SLC14A2: variants seen among roughly 807,000 people sequenced by gnomAD.
SLC14A2 encodes the protein urea transporter 2.
SLC14A2 carries 91 observed loss-of-function variants against 104.6 expected under a neutral mutation model. That is an observed-to-expected ratio of 0.87 (90% confidence interval 0.73 to 1.04). SLC14A2 has a LOEUF of 1.04. SLC14A2 is among the 50% of genes least tolerant of loss of function. The pLI, the probability that SLC14A2 is intolerant of heterozygous loss-of-function variation, is 0.00. For missense variants in SLC14A2, 1,189 were observed against 1,156.0 expected, an observed-to-expected ratio of 1.03 and a Z score of -0.41; for synonymous variants, 476 against 466.4, an observed-to-expected ratio of 1.02 and a Z score of -0.27.
intron 2 of SLC14A2, among the ~76,000 whole-genome samples, chr18:45,486,907 C>A (rs967966469): frequency 6.6e-6 from 1 of 152,154 alleles, no homozygotes; most frequent in African/African-American, 2.4e-5. Context: ...TGTCGTTTTA[C>A]AGGTGAGAAA....
chr18:45,532,489 T>G (rs1222401349), intron 2 of SLC14A2, among the ~76,000 whole-genome samples: 2 of 129,538 alleles, frequency 1.5e-5, no homozygotes, highest in Middle Eastern at 4.0e-3. Flanking sequence ...CACTCATGAT[T>G]TGGCTGTTTG....
At chr18:45,514,803 A>G (rs956452261) in intron 2 of SLC14A2, among the ~76,000 whole-genome samples, 1 of 152,244 alleles carries the variant, frequency 6.6e-6, no homozygotes, top group Non-Finnish European at 1.5e-5. Context: ...AGTAACTACC[A>G]CAAACTCACT....
chr18:45,459,416 C>CCTT (rs1317024398), intron 1 of SLC14A2, among the ~76,000 whole-genome samples: 1 of 152,168 alleles, frequency 6.6e-6, no homozygotes, highest in East Asian at 1.9e-4. Context: ...GAGACTTTAC[C>CCTT]CTTCAGAGAG....
chr18:45,614,961 T>TA (rs1384178402), upstream of SLC14A2: 7 of 152,334 alleles, frequency 4.6e-5, no homozygotes, highest in East Asian at 1.4e-3. Context: ...CACACCCTGC[T>TA]AATTTTTGTA....
intron 1 of SLC14A2, among the ~76,000 whole-genome samples, chr18:45,345,853 G>A (rs1024971785): frequency 1.7e-4 from 26 of 152,164 alleles, no homozygotes; most frequent in Non-Finnish European, 7.3e-5. Context: ...CATGAATATA[G>A]AAAATGTGCA....
chr18:45,171,988 T>C, the SLC14A2 span, among the ~76,000 whole-genome samples: 1 of 152,168 alleles, frequency 6.6e-6, no homozygotes, highest in Non-Finnish European at 1.5e-5. Flanking sequence ...GTTCTGGTAG[T>C]TGTTATTTTC....
intron 1 of SLC14A2, among the ~76,000 whole-genome samples, chr18:45,307,242 C>T (rs2085031812): frequency 6.6e-6 from 1 of 151,904 alleles, no homozygotes; most frequent in Non-Finnish European, 1.5e-5. Flanking sequence ...CATGGTAAAA[C>T]CTCGTCTCTA....
chr18:45,487,434 A>C (rs2087628651), intron 2 of SLC14A2, among the ~76,000 whole-genome samples: 1 of 152,222 alleles, frequency 6.6e-6, no homozygotes, highest in Non-Finnish European at 1.5e-5. Context: ...ATATAAGGCA[A>C]CACATTCGCA....
chr18:45,209,016 T>C (rs1178081603), upstream of SLC14A2, among the ~76,000 whole-genome samples: 1 of 126,894 alleles, frequency 7.9e-6, no homozygotes, highest in Non-Finnish European at 1.6e-5. Context: ...CTCTGGAAAT[T>C]AACAGGCATT....
chr18:45,644,651 A>G (rs1195656372), intron 10 of SLC14A2, among the ~76,000 whole-genome samples: 1 of 152,128 alleles, frequency 6.6e-6, no homozygotes, highest in Non-Finnish European at 1.5e-5. Flanking sequence ...GGAATTTCAC[A>G]CTGATGGGAT....
At chr18:45,425,029 A>C (rs897200687) in intron 1 of SLC14A2, among the ~76,000 whole-genome samples, 1 of 152,208 alleles carries the variant, frequency 6.6e-6, no homozygotes, top group Non-Finnish European at 1.5e-5. Flanking sequence ...ATGTTTCACC[A>C]AGCACATCCC....
rs377411593 is a variant in SLC14A2 at position 45,278,870 on chromosome 18, G to A, written c.-125+65679G>A. Among the ~76,000 whole-genome samples, 7 of 152,142 alleles carry A rather than the reference G, an allele frequency of 4.6e-5. No individual in the cohort carries two copies. In the East Asian group the frequency reaches 5.8e-4, roughly 13 times the overall value. ...GGTTTGGTTTACTTTTCTAAACAGC[G>A]TGGTTGCTAACTGGTGCTTACCACT... On this transcript the variant is annotated intron_variant, in intron 1 of 20. Coordinates refer to the SLC14A2 transcript ENST00000586448.
chr18:45,641,439 C>A, intron 8 of SLC14A2, 96 bp downstream of exon 8: 1 of 1,402,570 alleles, frequency 7.1e-7, no homozygotes, highest in Non-Finnish European at 9.9e-7. Context: ...CAATACTGTT[C>A]AGCAGTGACA....
chr18:45,184,348 A>G, the SLC14A2 span, among the ~76,000 whole-genome samples: 1 of 152,222 alleles, frequency 6.6e-6, no homozygotes, highest in Non-Finnish European at 1.5e-5. Flanking sequence ...TTGGTGGCAA[A>G]TGCAGTCAAA....
At chr18:45,259,784 C>G (rs2084516914) in intron 1 of SLC14A2, among the ~76,000 whole-genome samples, 1 of 152,060 alleles carries the variant, frequency 6.6e-6, no homozygotes, top group African/African-American at 2.4e-5. Flanking sequence ...CACTGAAGCC[C>G]AAGTTTACTC....
chr18:45,485,671 T>C (rs1367776169), intron 2 of SLC14A2, among the ~76,000 whole-genome samples: 1 of 152,198 alleles, frequency 6.6e-6, no homozygotes, highest in African/African-American at 2.4e-5. Flanking sequence ...TGGTTTCTTA[T>C]AGTTTTTTCT....
chr18:45,533,831 C>T (rs563613831), intron 2 of SLC14A2, among the ~76,000 whole-genome samples: 33 of 152,230 alleles, frequency 2.2e-4, no homozygotes, highest in African/African-American at 7.7e-4. Context: ...CTCTTGTGGG[C>T]ATTTAGTGCT....
the SLC14A2 span, among the ~76,000 whole-genome samples, chr18:45,170,682 G>A: frequency 6.6e-6 from 1 of 152,126 alleles, no homozygotes; most frequent in Non-Finnish European, 1.5e-5. Flanking sequence ...ATTTTTCATT[G>A]TTGCTGGTAA....
chr18:45,509,356 A>G (rs1486008651), intron 2 of SLC14A2, among the ~76,000 whole-genome samples: 1 of 151,722 alleles, frequency 6.6e-6, no homozygotes, highest in Non-Finnish European at 1.5e-5. Context: ...CAAATTCTCC[A>G]TAAGTTTTCT....
Sources: allele counts gnomAD v4.1 joint callset (sites outside exome capture counted in the v4.1 genomes callset), GRCh38; gene constraint gnomAD v4.1.1; transcripts MANE v1.5; gene names NCBI Gene and HGNC (gene_info 2026-07-23, HGNC 2026-07-21).